The following ITGB1 variants were observed in gnomAD, a reference collection of about 807,000 sequenced individuals.
ITGB1 encodes the protein integrin subunit beta 1.
A neutral mutation model predicts 86.5 loss-of-function variants in ITGB1; 24 were observed. The observed-to-expected ratio is 0.28, with a 90% CI of 0.20 to 0.39. The LOEUF is 0.39. Among genes scored for constraint, ITGB1 ranks in the 10% least tolerant of loss-of-function variants. The probability of loss-of-function intolerance (pLI) is 1.00; values close to 1 mark genes in which losing one functional copy is unlikely to be tolerated. For synonymous variants in ITGB1, 323 were observed against 316.8 expected (o/e 1.02, Z -0.21); for missense variants, 556 against 946.9 (o/e 0.59, Z 5.42).
chr10:32,915,432 GAAGAA>G (rs1212546278), intron 11 of ITGB1, among the ~76,000 whole-genome samples: 1 of 151,946 alleles, frequency 6.6e-6, no homozygotes, highest in Non-Finnish European at 1.5e-5. Context: ...GACTAATAAA[GAAGAA>G]AAGAGAAGAA....
Position 32,912,042 on chromosome 10 carries a change from T to A in ITGB1, c.1552A>T (p.Lys518Ter). 8 of 1,614,244 alleles carry A rather than the reference T, an allele frequency of 5.0e-6. No homozygotes were observed. Among genetic ancestry groups the A allele is most frequent in the Non-Finnish European group, 6.8e-6 (8 of 1,180,038 alleles). ...NSEDMDAYCR[K>*]ENSSEICSNN... is the part of the protein sequence containing the mutation. ...CTGCAGATTTCTGAACTGTTTTCTT[T>A]CCTGCAGTAAGCATCCATGTCTTCA... is the stretch of plus-strand genomic sequence containing the variant. The change falls in exon 12 of 16, where the codon AAA becomes TAA. Residue 518 changes from lysine to a stop codon, truncating the protein, a stop_gained. Transcript: ENST00000302278. LOFTEE classifies it high-confidence loss of function.
At chr10:32,937,554 C>CAAAAA (rs56280552) in intron 1 of ITGB1, among the ~76,000 whole-genome samples, 3 of 91,856 alleles carry the variant, frequency 3.3e-5, no homozygotes, top group East Asian at 4.1e-4. Flanking sequence ...GACTCCGTCT[C>CAAAAA]AAAAAAAAAA....
At chr10:32,938,817 G>C (rs2095010637) in intron 1 of ITGB1, among the ~76,000 whole-genome samples, 1 of 152,218 alleles carries the variant, frequency 6.6e-6, no homozygotes, top group Non-Finnish European at 1.5e-5. Flanking sequence ...AAGGCTAGAG[G>C]ATGACTCCAA....
At chr10:32,915,758 C>G (rs1002267056) in intron 11 of ITGB1, among the ~76,000 whole-genome samples, 1 of 152,172 alleles carries the variant, frequency 6.6e-6, no homozygotes, top group African/African-American at 2.4e-5. Flanking sequence ...GGTACCATTC[C>G]TTCTGAAACT....
At chr10:32,905,583 A>G (rs546085220) in intron 15 of ITGB1, among the ~76,000 whole-genome samples, 2 of 152,324 alleles carry the variant, frequency 1.3e-5, no homozygotes, top group Admixed American at 1.3e-4. Context: ...AGACAAGAAC[A>G]TGGACTCTGG....
intron 15 of ITGB1, among the ~76,000 whole-genome samples, chr10:32,905,347 T>C (rs1476156294): frequency 6.6e-6 from 1 of 152,218 alleles, no homozygotes; most frequent in Non-Finnish European, 1.5e-5. Flanking sequence ...CATGATCAGT[T>C]TGTAAGCACA....
chr10:32,916,076 T>C lies in ITGB1; in HGVS notation c.1469+3809A>G, dbSNP rs117542880. Among the ~76,000 whole-genome samples, 275 of 152,304 alleles carry C rather than the reference T, an allele frequency of 1.8e-3. 1 individual carries two copies. The East Asian group carries it at 0.029, about 16-fold the overall frequency. ...GACAAAAAACACATGATTATCTCAA[T>C]AAATGCAGAAAAGGTGTTCGACAAA... On this transcript the variant is annotated intron_variant, in intron 11 of 15. Coordinates refer to ENST00000302278, the MANE Select transcript of ITGB1 (RefSeq NM_002211.4).
chr10:32,936,941 C>T (rs2095003895), intron 1 of ITGB1, among the ~76,000 whole-genome samples: 2 of 152,028 alleles, frequency 1.3e-5, no homozygotes, highest in Non-Finnish European at 1.5e-5. Context: ...TTTTTTAACC[C>T]AACAAAACTA....
intron 1 of ITGB1, among the ~76,000 whole-genome samples, chr10:32,946,763 G>C (rs2095032237): frequency 2.7e-5 from 2 of 72,914 alleles, no homozygotes; most frequent in African/African-American, 1.1e-4. Flanking sequence ...GGGGGGGGGG[G>C]GATTATTTTC....
In ITGB1 at chr10:32,926,039, A is replaced by T; in HGVS notation, c.618T>A (p.Pro206=). 1 of 1,614,162 alleles carries T rather than the reference A, an allele frequency of 6.2e-7. No homozygotes were observed. Among genetic ancestry groups the T allele is most frequent in the Non-Finnish European group, 8.5e-7 (1 of 1,180,018 alleles). The part of the protein sequence containing the change: ...ISTTPAKLRN[P]CTSEQNCTSP... The stretch of plus-strand genomic sequence containing the variant: ...TGGTGCAGTTCTGTTCACTTGTGCA[A>T]GGGTTCCTGAGCTTAGCTGGTGTTG... Residue 206 remains proline (P), a synonymous_variant, in exon 6 of 16, where the codon CCT becomes CCA. Transcript: ENST00000302278.
At chr10:32,951,269 G>A (rs975886510) in intron 1 of ITGB1, among the ~76,000 whole-genome samples, 4 of 151,880 alleles carry the variant, frequency 2.6e-5, no homozygotes, top group African/African-American at 9.7e-5. Flanking sequence ...GAAAATTTAG[G>A]CTGGAATCCT....
chr10:32,907,737 T>C (rs968065656), intron 15 of ITGB1, among the ~76,000 whole-genome samples: 5 of 151,992 alleles, frequency 3.3e-5, no homozygotes, highest in Admixed American at 3.3e-4. Context: ...GGGTGTCCAA[T>C]CTTTTGGCTT....
intron 2 of ITGB1, among the ~76,000 whole-genome samples, chr10:32,934,876 G>T (rs907600347): frequency 6.6e-6 from 1 of 151,966 alleles, no homozygotes; most frequent in African/African-American, 2.4e-5. Context: ...TTCTTTTACG[G>T]TCTCCTGCTT....
rs1187434879 is a variant in ITGB1, at chr10:32,930,043, G to A, written c.155C>T (p.Thr52Ile). Residue 52 changes from threonine (T) to isoleucine (I), a missense_variant and splice_region_variant, in exon 4 of 16, where the codon ACA becomes ATA. Physicochemically the swap from Thr to Ile is moderately conservative, Grantham distance 89. Coordinates refer to ENST00000302278, the MANE Select transcript of ITGB1 (RefSeq NM_002211.4). The part of the protein sequence containing the change: ...GPNCGWCTNS[T>I]FLQEGMPTSA... ...AGTAGGCATTCCTTCCTGTAAAAAT[G>A]TCTAAATGACATATAAAATATAGGT... 2.3e-6 allele frequency: 2 copies of A among 876,844 alleles called. No individual in the cohort carries two copies. The highest frequency in any genetic ancestry group is 3.3e-5 in the African/African-American group (2 of 60,772). 54.3% of individuals were successfully genotyped at this position (876,844 alleles called of 1,614,324 possible).
At chr10:32,908,577 G>A (rs773996160) in intron 14 of ITGB1, 43 bp from the exon 15 acceptor site, 49 of 1,554,434 alleles carry the variant, frequency 3.2e-5, no homozygotes, top group Middle Eastern at 1.7e-4. Flanking sequence ...AAAGAGCTGT[G>A]CAGTGTCTTA....
chr10:32,915,456 A>G (rs2094928551), intron 11 of ITGB1, among the ~76,000 whole-genome samples: 2 of 152,208 alleles, frequency 1.3e-5, no homozygotes, highest in African/African-American at 2.4e-5. Context: ...AATCAAATAG[A>G]TGCAATAAAA....
In ITGB1 at chr10:32,909,176, T is replaced by C. The variant is rs564918563; in HGVS notation, c.2165-642A>G. Among the ~76,000 whole-genome samples the C allele has an allele frequency of 1.3e-4, 20 of 152,276 alleles. No homozygotes were observed. The South Asian group carries it at 4.2e-3, about 32-fold the overall frequency. ...CCATGTGGTATAGCTAACACTCAGA[T>C]ACATGGAACAGAATACAGAGTCAGA... On this transcript the variant is annotated intron_variant, in intron 14 of 15. Transcript: ENST00000302278.
intron 15 of ITGB1, among the ~76,000 whole-genome samples, chr10:32,907,296 T>C (rs767960262): frequency 1.3e-5 from 2 of 152,220 alleles, no homozygotes; most frequent in Non-Finnish European, 2.9e-5. Context: ...AAGCAAATTG[T>C]AGTAAAGTGC....
Position 32,900,806 on chromosome 10 carries a change from TTGTAAAG to T in ITGB1, c.*757_*763del, listed in dbSNP as rs1182476183. 1 of 152,358 alleles carries T rather than the reference TTGTAAAG, an allele frequency of 6.6e-6. No homozygotes were observed. The highest frequency in any genetic ancestry group is 1.5e-5 in the Non-Finnish European group (1 of 67,948). 9.4% of individuals were successfully genotyped at this position (152,358 alleles called of 1,614,324 possible). ...AAAAGGTCCCCATTCAGCAAATACT[TTGTAAAG>T]TATGGCCTGTATGTAAATAGTGCTA... On this transcript the variant is annotated 3_prime_UTR_variant, in exon 16 of 16. Transcript: ENST00000302278.
Sources: allele counts gnomAD v4.1 joint callset (sites outside exome capture counted in the v4.1 genomes callset), GRCh38; gene constraint gnomAD v4.1.1; transcripts MANE v1.5; gene names NCBI Gene and HGNC (gene_info 2026-07-23, HGNC 2026-07-21).